ATAD2B: variants seen among roughly 807,000 people sequenced by gnomAD.
ATAD2B encodes the protein ATPase family AAA domain containing 2B.
A neutral mutation model predicts 167.6 loss-of-function variants in ATAD2B; 40 were observed. The observed-to-expected ratio is 0.24, with a 90% CI of 0.19 to 0.31. The LOEUF (loss-of-function observed/expected upper bound fraction) is 0.31, where lower values mean the gene tolerates loss of function less well. Ranked by LOEUF, ATAD2B falls within the 10% of genes least tolerant of loss-of-function variation. The pLI is 1.00. For synonymous variants in ATAD2B, 579 were observed against 596.5 expected (o/e 0.97, Z 0.43); for missense variants, 1,242 against 1,757.2 (o/e 0.71, Z 5.24).
At chr2:23,797,326 CAAGT>C (rs1424063420) in intron 19 of ATAD2B, among the ~76,000 whole-genome samples, 1 of 152,066 alleles carries the variant, frequency 6.6e-6, no homozygotes, top group Non-Finnish European at 1.5e-5. Flanking sequence ...CAATTTCACT[CAAGT>C]AAGATGATCT....
chr2:23,713,591 C>T, the ATAD2B span, among the ~76,000 whole-genome samples: 3 of 152,114 alleles, frequency 2.0e-5, no homozygotes, highest in East Asian at 5.8e-4. Flanking sequence ...CCCCTAACCC[C>T]GGGCAACCAC....
At chr2:23,704,404 G>A in the ATAD2B span, among the ~76,000 whole-genome samples, 1 of 152,204 alleles carries the variant, frequency 6.6e-6, no homozygotes, top group Non-Finnish European at 1.5e-5. Context: ...CTGGCCCTGT[G>A]GCAGCGAGAC....
intron 1 of ATAD2B, among the ~76,000 whole-genome samples, chr2:23,916,285 G>C (rs1449719642): frequency 2.0e-5 from 3 of 152,126 alleles, no homozygotes; most frequent in African/African-American, 7.2e-5. Flanking sequence ...ACTTTTAGAG[G>C]AAAAAGTTTC....
the ATAD2B span, among the ~76,000 whole-genome samples, chr2:23,698,809 T>C: frequency 2.0e-5 from 3 of 152,154 alleles, no homozygotes; most frequent in East Asian, 1.9e-4. Context: ...CAGATTGAGC[T>C]GACGGGAGGG....
intron 18 of ATAD2B, among the ~76,000 whole-genome samples, chr2:23,804,790 A>C (rs1684094313): frequency 6.6e-6 from 1 of 152,142 alleles, no homozygotes; most frequent in Non-Finnish European, 1.5e-5. Flanking sequence ...TATATATACA[A>C]ATTAACCATA....
chr2:23,883,505 AT>A lies in ATAD2B; in HGVS notation c.784+1259del, dbSNP rs555670245. 2.7e-3 allele frequency: 1,834 copies of A among 683,398 alleles called. 1 individual carries two copies. The highest frequency in any genetic ancestry group is 2.9e-3 in the Non-Finnish European group (1,332 of 465,974). The allele number at this position is 683,398 out of a possible 1,614,324, so 42.3% of individuals were successfully genotyped here. On this transcript the variant is annotated intron_variant, in intron 6 of 27. Transcript: ENST00000238789. ...ACAGTAACACAGTATTACAAGCAGAATTTCTAAATATGGCATATCTACTTTG... is the reference window on the plus strand; with the variant it reads ...ACAGTAACACAGTATTACAAGCAGAATTCTAAATATGGCATATCTACTTTG...
the ATAD2B span, among the ~76,000 whole-genome samples, chr2:23,735,804 G>A: frequency 6.6e-6 from 1 of 152,206 alleles, no homozygotes; most frequent in East Asian, 1.9e-4. Context: ...TCAAGGAAAG[G>A]TGAAAGAAAG....
chr2:23,814,371 GTAAAAAAGT>G (rs1355877727), intron 17 of ATAD2B, among the ~76,000 whole-genome samples: 1 of 152,106 alleles, frequency 6.6e-6, no homozygotes, highest in African/African-American at 2.4e-5. Context: ...GTGGTATTTA[GTAAAAAAGT>G]TAATATACAA....
the ATAD2B span, among the ~76,000 whole-genome samples, chr2:23,743,430 G>A: frequency 1.3e-5 from 2 of 151,894 alleles, no homozygotes; most frequent in African/African-American, 4.8e-5. Flanking sequence ...ATGCATGGTG[G>A]CGCATGCCTG....
the ATAD2B span, chr2:23,693,352 A>C: frequency 6.4e-7 from 1 of 1,551,490 alleles, no homozygotes; most frequent in Non-Finnish European, 8.7e-7. Flanking sequence ...CCACATGGCC[A>C]AGGCCTTCGC....
At chr2:23,895,354 C>T (rs1196981386) in intron 2 of ATAD2B, among the ~76,000 whole-genome samples, 2 of 151,900 alleles carry the variant, frequency 1.3e-5, no homozygotes, top group East Asian at 3.9e-4. Context: ...ATTAAGTTTT[C>T]TTGATACATA....
intron 13 of ATAD2B, among the ~76,000 whole-genome samples, chr2:23,837,245 A>G (rs1690139133): frequency 6.6e-6 from 1 of 152,180 alleles, no homozygotes; most frequent in African/African-American, 2.4e-5. Context: ...GCTTGGCCCC[A>G]ATCTTGCTCC....
Position 23,816,234 on chromosome 2 carries a change from AT to A in ATAD2B, c.2267+3512del, listed in dbSNP as rs1470976151. 2.0e-5 allele frequency among the ~76,000 whole-genome samples: 3 copies of A among 152,238 alleles called. No individual in the cohort carries two copies. The East Asian group carries it at 5.8e-4, about 29-fold the overall frequency. ...ACTAGTACAAGCCTTCTGGAAAGCAATTTAACAATCTGTGTCAACATGTTAA... is the reference window on the plus strand; with the variant it reads ...ACTAGTACAAGCCTTCTGGAAAGCAATTAACAATCTGTGTCAACATGTTAA... On this transcript the variant is annotated intron_variant, in intron 17 of 27. Transcript: ENST00000238789.
intron 2 of ATAD2B, among the ~76,000 whole-genome samples, chr2:23,889,935 C>T (rs1376194760): frequency 6.6e-6 from 1 of 150,556 alleles, no homozygotes; most frequent in Non-Finnish European, 1.5e-5. Flanking sequence ...AAAAAACAGG[C>T]TGGGCGCGGT....
intron 24 of ATAD2B, among the ~76,000 whole-genome samples, chr2:23,759,549 T>G (rs77415554): frequency 1.3e-5 from 2 of 152,318 alleles, no homozygotes; most frequent in African/African-American, 4.8e-5. Flanking sequence ...TAGATAAATT[T>G]AGTTATAAAT....
chr2:23,809,043 C>T (rs1230613511), intron 18 of ATAD2B: 2 of 152,006 alleles, frequency 1.3e-5, no homozygotes, highest in Non-Finnish European at 2.9e-5. Flanking sequence ...TTTCTTCTTC[C>T]ACAGTGATTG....
intron 17 of ATAD2B, among the ~76,000 whole-genome samples, chr2:23,817,134 A>C (rs147467102): frequency 4.6e-5 from 7 of 152,302 alleles, no homozygotes; most frequent in South Asian, 2.1e-4. Flanking sequence ...TGCTTCTTGG[A>C]GAGTGTGAAA....
intron 2 of ATAD2B, among the ~76,000 whole-genome samples, chr2:23,889,243 C>A (rs1178759347): frequency 6.6e-6 from 1 of 152,104 alleles, no homozygotes; most frequent in East Asian, 1.9e-4. Context: ...TCTCGGCTTA[C>A]TGCTACCTCC....
chr2:23,706,245 G>A, the ATAD2B span, among the ~76,000 whole-genome samples: 2 of 152,224 alleles, frequency 1.3e-5, no homozygotes. Flanking sequence ...GCGGGGCAGG[G>A]AGGGAGCGCC....
Sources: allele counts gnomAD v4.1 joint callset (sites outside exome capture counted in the v4.1 genomes callset), GRCh38; gene constraint gnomAD v4.1.1; transcripts MANE v1.5; gene names NCBI Gene and HGNC (gene_info 2026-07-23, HGNC 2026-07-21).